TACC1: variants seen among roughly 807,000 people sequenced by gnomAD.
TACC1 encodes the protein transforming acidic coiled-coil-containing protein 1.
A neutral mutation model predicts 84.4 loss-of-function variants in TACC1; 48 were observed. That is an observed-to-expected ratio of 0.57 (90% CI 0.45 to 0.72). The LOEUF is 0.72. Among genes scored for constraint, TACC1 ranks in the 30% least tolerant of loss-of-function variants. The pLI is 0.00. For synonymous variants in TACC1, 372 were observed against 376.3 expected, an observed-to-expected ratio of 0.99 and a Z score of 0.13; for missense variants, 920 against 973.0, an observed-to-expected ratio of 0.95 and a Z score of 0.72.
At chr8:38,825,276 A>T in intron 3 of TACC1, 32 bp from the exon 4 acceptor site, 1 of 1,613,448 alleles carries the variant, frequency 6.2e-7, no homozygotes, top group Middle Eastern at 1.7e-4. Context: ...TGTGATTGCA[A>T]ACTGGCTTGT....
In TACC1 at chr8:38,794,546, G is replaced by A. The variant is rs77803556; in HGVS notation, c.277+5727G>A. ...ATTTTTAGAATGTTTTAGACTGCAC[G>A]TGTGTGTGTGTTTGTTTGTGTGTGT... On this transcript the variant is annotated intron_variant, in intron 2 of 12. Transcript: ENST00000317827. Among the ~76,000 whole-genome samples the A allele has an allele frequency of 5.3e-4, 72 of 135,462 alleles. No individual in the cohort carries two copies. In the East Asian group the frequency reaches 0.015, roughly 28 times the overall value. 88.9% of individuals were successfully genotyped at this position (135,462 alleles called of 152,430 possible).
chr8:38,820,645 A>G lies in TACC1; in HGVS notation c.1391+10A>G, dbSNP rs1826574502. On this transcript the variant is annotated intron_variant, in intron 3 of 12. Coordinates refer to ENST00000317827, the MANE Select transcript of TACC1 (RefSeq NM_006283.3). Reference sequence around the variant, plus strand: ...AGTCGCGTTTAATAACGTGAGTGACAGTGGGCGCTGGGTGTCGTGCTCTGT... The same window carrying G: ...AGTCGCGTTTAATAACGTGAGTGACGGTGGGCGCTGGGTGTCGTGCTCTGT... The G allele has an allele frequency of 6.3e-7, 1 of 1,596,802 alleles. No homozygotes were observed. The highest frequency in any genetic ancestry group is 8.5e-7 in the Non-Finnish European group (1 of 1,176,136).
At chr8:38,779,787 G>A (rs1490679569) in intron 3 of TACC1, among the ~76,000 whole-genome samples, 2 of 152,332 alleles carry the variant, frequency 1.3e-5, no homozygotes, top group South Asian at 2.1e-4. Flanking sequence ...TGTAGAGGGT[G>A]AAATGCAGCC....
Position 38,846,839 on chromosome 8 carries a change from C to T in TACC1, c.2349+20C>T. On this transcript the variant is annotated intron_variant, in intron 12 of 12. Transcript: ENST00000317827. Reference sequence around the variant, plus strand: ...CAGAAGGTACAGAAAGGGACCTGATCTGGGTGGCCACAGAGACGTTTGGTT... The same window carrying T: ...CAGAAGGTACAGAAAGGGACCTGATTTGGGTGGCCACAGAGACGTTTGGTT... 6.2e-7 allele frequency: 1 copy of T among 1,613,102 alleles called. No homozygotes were observed. The highest frequency in any genetic ancestry group is 1.1e-5 in the South Asian group (1 of 90,938).
At chr8:38,841,386 C>T (rs1831245723) in intron 9 of TACC1, among the ~76,000 whole-genome samples, 1 of 152,138 alleles carries the variant, frequency 6.6e-6, no homozygotes, top group Non-Finnish European at 1.5e-5. Context: ...ACAAGTGCAA[C>T]AAACATGGCC....
intron 11 of TACC1, chr8:38,846,439 T>TAA (rs201097284): frequency 8.8e-4 from 219 of 247,856 alleles, no homozygotes; most frequent in South Asian, 1.5e-3. Flanking sequence ...TGTACTGGTC[T>TAA]AAAAAAAAAA....
chr8:38,752,436 A>G (rs1484419288), intron 3 of TACC1, among the ~76,000 whole-genome samples: 2 of 152,150 alleles, frequency 1.3e-5, no homozygotes, highest in African/African-American at 4.8e-5. Context: ...GCACCACTGC[A>G]CTCCAGCCTG....
chr8:38,733,939 G>T (rs1289199237), intron 1 of TACC1, among the ~76,000 whole-genome samples: 2 of 152,122 alleles, frequency 1.3e-5, no homozygotes, highest in Non-Finnish European at 2.9e-5. Flanking sequence ...GTTGGAATTC[G>T]GGTCCTCCTT....
At chr8:38,771,555 C>G (rs1426468565) in intron 3 of TACC1, among the ~76,000 whole-genome samples, 1 of 152,084 alleles carries the variant, frequency 6.6e-6, no homozygotes, top group Non-Finnish European at 1.5e-5. Flanking sequence ...AGACAGGTTT[C>G]TGTGTAAGAG....
In TACC1 at chr8:38,801,472, A is replaced by G. The variant is rs147465232; in HGVS notation, c.277+12653A>G. Among the ~76,000 whole-genome samples the G allele has an allele frequency of 4.4e-3, 677 of 152,364 alleles. 2 individuals carry two copies. Among genetic ancestry groups the G allele is most frequent in the Non-Finnish European group, 7.4e-3 (506 of 68,038 alleles). Reference sequence around the variant, plus strand: ...CCCAGCACCATTTGTCAAAAAGACTATTCTTTTCCCTATACAATTAACTTT... The same window carrying G: ...CCCAGCACCATTTGTCAAAAAGACTGTTCTTTTCCCTATACAATTAACTTT... On this transcript the variant is annotated intron_variant, in intron 2 of 12. Transcript: ENST00000317827.
chr8:38,790,909 G>T (rs899847405), intron 2 of TACC1, among the ~76,000 whole-genome samples: 2 of 152,222 alleles, frequency 1.3e-5, no homozygotes, highest in African/African-American at 4.8e-5. Flanking sequence ...GCATAGCTGT[G>T]TAGCACTCTC....
At chr8:38,794,478 T>G (rs975406157) in intron 2 of TACC1, among the ~76,000 whole-genome samples, 38 of 152,296 alleles carry the variant, frequency 2.5e-4, no homozygotes, top group Admixed American at 2.0e-3. Flanking sequence ...TATGAGAATT[T>G]GTAAGTTGAC....
chr8:38,808,998 T>G (rs1823420637), intron 2 of TACC1, among the ~76,000 whole-genome samples: 1 of 151,848 alleles, frequency 6.6e-6, no homozygotes, highest in Admixed American at 6.6e-5. Flanking sequence ...CTGGGCAAGT[T>G]TATTTACCTG....
At chr8:38,746,575 C>T (rs1318706783) in intron 3 of TACC1, among the ~76,000 whole-genome samples, 1 of 152,142 alleles carries the variant, frequency 6.6e-6, no homozygotes, top group Non-Finnish European at 1.5e-5. Context: ...TGTTCTAAGT[C>T]TTTTTCCACT....
intron 11 of TACC1, among the ~76,000 whole-genome samples, chr8:38,843,989 A>G (rs762618397): frequency 5.3e-5 from 8 of 152,204 alleles, no homozygotes; most frequent in Admixed American, 2.6e-4. Context: ...AAGTGTTGTC[A>G]GATTGGCCCC....
intron 2 of TACC1, 91 bp from the exon 3 acceptor site, chr8:38,819,431 C>T (rs988823718): frequency 7.2e-7 from 1 of 1,381,616 alleles, no homozygotes; most frequent in African/African-American, 1.5e-5. Context: ...GAGGGAAGAA[C>T]TTGCTATTTG....
At chr8:38,787,832 C>G (rs1817642609) in intron 1 of TACC1, 89 bp downstream of exon 1, 8 of 1,251,124 alleles carry the variant, frequency 6.4e-6, no homozygotes, top group Non-Finnish European at 8.5e-6. Context: ...TGGTCGCCAC[C>G]CGCGAAACCG....
rs185668028 is a variant in TACC1, at chr8:38,819,955, C to G, written c.711C>G (p.Pro237=). 6.5e-5 allele frequency: 105 copies of G among 1,614,146 alleles called. No individual in the cohort carries two copies. The highest frequency in any genetic ancestry group is 8.5e-5 in the Non-Finnish European group (100 of 1,180,044). The stretch of plus-strand genomic sequence containing the variant: ...AGCTGAGAAAGCCCAAGCCTGTCCC[C>G]CTGAGGAAGAAAGCAATTGGAGGAG... ...RSKLRKPKPV[P]LRKKAIGGEF... is the part of the protein sequence containing the mutation. Residue 237 remains proline, a synonymous_variant, in exon 3 of 13, where the codon CCC becomes CCG. Coordinates refer to ENST00000317827, the MANE Select transcript of TACC1 (RefSeq NM_006283.3).
At chr8:38,783,106 C>CTATATA (rs72048692), upstream of TACC1, among the ~76,000 whole-genome samples, 42 of 87,456 alleles carry the variant, frequency 4.8e-4, no homozygotes, top group African/African-American at 1.1e-3. Context: ...ATCTATCTAT[C>CTATATA]TATATATATA....
Sources: gnomAD v4.1 joint callset for allele counts (sites outside exome capture counted in the v4.1 genomes callset) on GRCh38, gnomAD v4.1.1 for gene constraint, MANE v1.5 for transcripts, NCBI Gene and HGNC (gene_info 2026-07-23, HGNC 2026-07-21) for gene names.